Variants in TAOK1 observed in about 807,000 individuals in gnomAD.
TAOK1 encodes the protein TAO kinase 1.
Under a neutral mutation model 138.3 loss-of-function variants are expected in TAOK1, and 21 were observed. The observed-to-expected ratio is 0.15, with a 90% CI of 0.11 to 0.22. The LOEUF is 0.22. Ranked by LOEUF, TAOK1 falls within the 10% of genes least tolerant of loss-of-function variation. The pLI is 1.00. For missense variants in TAOK1, 651 were observed against 1,227.7 expected, an observed-to-expected ratio of 0.53 and a Z score of 7.02; for synonymous variants, 361 against 398.4, an observed-to-expected ratio of 0.91 and a Z score of 1.12.
chr17:29,485,349 A>G (rs1380905547), intron 8 of TAOK1, among the ~76,000 whole-genome samples: 1 of 152,162 alleles, frequency 6.6e-6, no homozygotes, highest in East Asian at 1.9e-4. Context: ...TCATAGTTCT[A>G]CTCTCAGCTG....
chr17:29,518,145 C>CTGG, intron 16 of TAOK1, among the ~76,000 whole-genome samples: 1 of 152,320 alleles, frequency 6.6e-6, no homozygotes, highest in African/African-American at 2.4e-5. Flanking sequence ...CATGAGCTAC[C>CTGG]ATGCCTGGAC....
In TAOK1 at chr17:29,546,728, G is replaced by A. The variant is rs958617888; in HGVS notation, c.*3706G>A. On this transcript the variant is annotated 3_prime_UTR_variant, in exon 20 of 20. Coordinates refer to ENST00000261716, the MANE Select transcript of TAOK1 (RefSeq NM_020791.4). ...ATATTGTATATACATATGAGTGTCT[G>A]TATGTGTGTATAGATGGATGGATGT... The A allele has an allele frequency of 3.3e-5, 5 of 152,088 alleles. No individual in the cohort carries two copies. The highest frequency in any genetic ancestry group is 5.9e-5 in the Non-Finnish European group (4 of 67,974). 9.4% of individuals were successfully genotyped at this position (152,088 alleles called of 1,614,324 possible). A position where few individuals can be genotyped will look rare whatever the true frequency, so the allele number is the denominator to read the frequency against.
At chr17:29,483,142 A>G (rs963465165) in intron 8 of TAOK1, among the ~76,000 whole-genome samples, 10 of 152,082 alleles carry the variant, frequency 6.6e-5, no homozygotes, top group African/African-American at 2.4e-4. Context: ...CAGTGGTGCA[A>G]TCTCAGCTCA....
intron 1 of TAOK1, among the ~76,000 whole-genome samples, chr17:29,446,486 C>T (rs747696081): frequency 6.6e-6 from 1 of 152,244 alleles, no homozygotes; most frequent in Non-Finnish European, 1.5e-5. Context: ...CGTGATCCGC[C>T]TGCCTTGGCC....
intron 3 of TAOK1, among the ~76,000 whole-genome samples, chr17:29,468,426 C>T (rs73276594): frequency 0.037 from 5,555 of 151,858 alleles, 322 homozygotes; most frequent in African/African-American, 0.13. Flanking sequence ...CGTAAGCCAC[C>T]GCTCCCAGCC....
At chr17:29,506,356 A>G (rs1337736712) in intron 13 of TAOK1, among the ~76,000 whole-genome samples, 1 of 152,220 alleles carries the variant, frequency 6.6e-6, no homozygotes, top group Non-Finnish European at 1.5e-5. Context: ...AAATAAGGCA[A>G]GCACAGAAAG....
intron 1 of TAOK1, chr17:29,424,689 AC>A (rs1241862097): frequency 1.3e-5 from 2 of 151,996 alleles, no homozygotes; most frequent in Non-Finnish European, 2.9e-5. Flanking sequence ...TTGACTGCTG[AC>A]CTTTAGTTTC....
intron 19 of TAOK1, 97 bp from the exon 20 acceptor site, chr17:29,542,464 T>TA: frequency 9.3e-7 from 1 of 1,078,642 alleles, no homozygotes; most frequent in African/African-American, 1.6e-5. Flanking sequence ...TATACATCCA[T>TA]AAAATAACCA....
At chr17:29,397,225 G>A (rs1904637451) in intron 1 of TAOK1, among the ~76,000 whole-genome samples, 2 of 151,998 alleles carry the variant, frequency 1.3e-5, no homozygotes, top group African/African-American at 4.8e-5. Context: ...AACCTGGGAG[G>A]CAGTGGTTGC....
At chr17:29,397,497 G>A (rs546457529) in intron 1 of TAOK1, among the ~76,000 whole-genome samples, 1 of 151,258 alleles carries the variant, frequency 6.6e-6, no homozygotes, top group African/African-American at 2.4e-5. Flanking sequence ...CAGCTACTCA[G>A]GAAGTTGAGG....
intron 2 of TAOK1, among the ~76,000 whole-genome samples, chr17:29,464,816 CTCTG>C (rs1380919106): frequency 1.3e-5 from 2 of 150,370 alleles, no homozygotes; most frequent in African/African-American, 4.9e-5. Flanking sequence ...AGATAATAAG[CTCTG>C]TCTTTTTTTT....
chr17:29,508,218 T>C (rs1250811525), intron 14 of TAOK1, 86 bp downstream of exon 14: 6 of 1,192,102 alleles, frequency 5.0e-6, no homozygotes, highest in Non-Finnish European at 7.4e-6. Context: ...TGTTAGCGTA[T>C]CTGTTCCCGT....
chr17:29,414,440 G>A (rs1905219844), intron 1 of TAOK1, among the ~76,000 whole-genome samples: 1 of 151,368 alleles, frequency 6.6e-6, no homozygotes, highest in Non-Finnish European at 1.5e-5. Flanking sequence ...AGTAGAAATG[G>A]GGTTTCACCA....
chr17:29,432,806 T>C (rs767748849), intron 1 of TAOK1, among the ~76,000 whole-genome samples: 2 of 151,068 alleles, frequency 1.3e-5, no homozygotes, highest in Admixed American at 1.3e-4. Flanking sequence ...AGAGACAGAG[T>C]TGTGCTCTGT....
rs757370108 is a variant in TAOK1, at chr17:29,489,615, G to C, written c.656-49G>C. 4.9e-6 allele frequency: 6 copies of C among 1,226,016 alleles called. No homozygotes were observed. The South Asian group carries it at 5.8e-5, about 12-fold the overall frequency. The allele number at this position is 1,226,016 out of a possible 1,614,324, so 75.9% of individuals were successfully genotyped here. ...AAAAGGAAAAACGTGCCCAGGACTTGAGTACCCCTGGAACCTATTTTAACA... is the reference window on the plus strand; with the variant it reads ...AAAAGGAAAAACGTGCCCAGGACTTCAGTACCCCTGGAACCTATTTTAACA... On this transcript the variant is annotated intron_variant, in intron 8 of 19. Transcript: ENST00000261716.
chr17:29,390,810 C>G lies in TAOK1; in HGVS notation c.-309C>G, dbSNP rs981683655. The G allele has an allele frequency of 1.3e-5, 2 of 151,048 alleles. No individual in the cohort carries two copies. Among genetic ancestry groups the G allele is most frequent in the Non-Finnish European group, 3.0e-5 (2 of 67,748 alleles). The allele number at this position is 151,048 out of a possible 1,614,324, so 9.4% of individuals were successfully genotyped here. ...AGCGCTGAGGGCGCCTCCTCGACCC[C>G]GGTCGTCCCCTCGCCCCCCCCCCCA... On this transcript the variant is annotated 5_prime_UTR_variant, in exon 1 of 20. Transcript: ENST00000261716.
intron 1 of TAOK1, among the ~76,000 whole-genome samples, chr17:29,437,803 G>A (rs1240472968): frequency 3.6e-5 from 4 of 112,132 alleles, no homozygotes; most frequent in Admixed American, 9.0e-5. Flanking sequence ...GTATGATCTC[G>A]GCTCACTGCA....
chr17:29,460,314 C>T (rs1276540057), intron 2 of TAOK1, among the ~76,000 whole-genome samples: 1 of 152,188 alleles, frequency 6.6e-6, no homozygotes, highest in Non-Finnish European at 1.5e-5. Flanking sequence ...GGCTCAGGCT[C>T]CTGAGTAGCT....
chr17:29,472,472 C>T (rs2030843412), intron 3 of TAOK1, among the ~76,000 whole-genome samples: 1 of 151,968 alleles, frequency 6.6e-6, no homozygotes, highest in African/African-American at 2.4e-5. Context: ...AGGCTGGTCT[C>T]GAACTCCTGA....
Sources: allele counts gnomAD v4.1 joint callset (sites outside exome capture counted in the v4.1 genomes callset), GRCh38; gene constraint gnomAD v4.1.1; transcripts MANE v1.5; gene names NCBI Gene and HGNC (gene_info 2026-07-23, HGNC 2026-07-21).